The following ADGRD1 variants were observed in gnomAD, a reference collection of about 807,000 sequenced individuals.
ADGRD1 encodes adhesion G protein-coupled receptor D1, also known as G-protein coupled receptor 133.
In ADGRD1, 77 loss-of-function variants were observed where a neutral mutation model predicts 113.4. The observed-to-expected ratio is 0.68, with a 90% confidence interval of 0.57 to 0.82. The LOEUF (loss-of-function observed/expected upper bound fraction) is 0.82, where lower values mean the gene tolerates loss of function less well. ADGRD1 is among the 40% of genes least tolerant of loss of function. ADGRD1 has a pLI of 0.00. For synonymous variants in ADGRD1, 474 were observed against 475.0 expected (o/e 1.00, Z 0.03); for missense variants, 1,036 against 1,139.1 (o/e 0.91, Z 1.30).
Position 131,120,944 on chromosome 12 carries a change from G to T in ADGRD1, c.2175+31G>T, listed in dbSNP as rs1160490886. On this transcript the variant is annotated intron_variant, in intron 20 of 24. Transcript: ENST00000261654. The stretch of plus-strand genomic sequence containing the variant: ...TTTCCTACCCTTGTGGGCGCAGAGC[G>T]GGGCTGGGGAGGGGCAGGAGGAGAG... 4.4e-6 allele frequency: 7 copies of T among 1,601,664 alleles called. No homozygotes were observed. In the African/African-American group the frequency reaches 8.0e-5, roughly 18 times the overall value.
intron 13 of ADGRD1, among the ~76,000 whole-genome samples, chr12:131,017,234 ACACC>A (rs1307287172): frequency 3.9e-5 from 6 of 151,976 alleles, no homozygotes; most frequent in Admixed American, 6.6e-5. Flanking sequence ...CAGTCCACAC[ACACC>A]CAGTCCACAT....
chr12:131,064,032 A>G (rs778229982), intron 13 of ADGRD1, among the ~76,000 whole-genome samples: 1 of 152,220 alleles, frequency 6.6e-6, no homozygotes, highest in Non-Finnish European at 1.5e-5. Context: ...CTAAATGTAC[A>G]TTTTTTGAGT....
rs946639243 is a variant in ADGRD1, at chr12:131,075,279, C to G, written c.1474-1522C>G. 8.5e-5 allele frequency among the ~76,000 whole-genome samples: 13 copies of G among 152,070 alleles called. No homozygotes were observed. Among genetic ancestry groups the G allele is most frequent in the Admixed American group, 8.5e-4 (13 of 15,272 alleles). Reference sequence around the variant, plus strand: ...AAGCCTCATTACACCCCTCCGAGAACCAGGCTGTGGCCACCAGGTTTTTGT... The same window carrying G: ...AAGCCTCATTACACCCCTCCGAGAAGCAGGCTGTGGCCACCAGGTTTTTGT... On this transcript the variant is annotated intron_variant, in intron 13 of 24. Coordinates refer to ENST00000261654, the MANE Select transcript of ADGRD1 (RefSeq NM_198827.5). The surrounding 1 kb of genome is among the most constrained non-coding windows in gnomAD (Gnocchi z 5.3).
intron 13 of ADGRD1, among the ~76,000 whole-genome samples, chr12:131,073,813 A>G (rs1161996177): frequency 6.6e-6 from 1 of 152,188 alleles, no homozygotes; most frequent in Non-Finnish European, 1.5e-5. Context: ...TGCTTTTTGT[A>G]TCAACCTAAT....
chr12:131,045,081 C>T (rs1458062111), intron 13 of ADGRD1, among the ~76,000 whole-genome samples: 1 of 152,244 alleles, frequency 6.6e-6, no homozygotes, highest in Non-Finnish European at 1.5e-5. Flanking sequence ...AGGAGCGGAT[C>T]CGAATGCGAA....
Position 130,971,434 on chromosome 12 carries a change from G to T in ADGRD1, c.188-24G>T. 6.2e-7 allele frequency: 1 copy of T among 1,608,666 alleles called. No homozygotes were observed. The highest frequency in any genetic ancestry group is 8.5e-7 in the Non-Finnish European group (1 of 1,176,180). On this transcript the variant is annotated intron_variant, in intron 3 of 24. Transcript: ENST00000261654. This position sits in a 1 kb window ranked among gnomAD's most constrained non-coding sequence, Gnocchi z 4.2. ...TAATCTCGGAAGGTTATTAACATAT[G>T]ATGTTGTCATTTTTCTTCCTTAGAT...
Position 130,991,048 on chromosome 12 carries a change from C to G in ADGRD1, c.780C>G (p.Ser260Arg), listed in dbSNP as rs772217545. Residue 260 changes from serine (S) to arginine (R), a missense_variant, in exon 7 of 25, where the codon AGC becomes AGG. By Grantham distance (110) the Ser-to-Arg change is moderately radical. Transcript: ENST00000261654. The part of the protein sequence containing the change: ...KHALLSSTLP[S>R]LFMTSTASPV... ...CTTTATTGTCTTCAACGCTGCCAAGCCTCTTCATGACATCCACAGCAAGCC... is the reference window on the plus strand; with the variant it reads ...CTTTATTGTCTTCAACGCTGCCAAGGCTCTTCATGACATCCACAGCAAGCC... 3.1e-6 allele frequency: 5 copies of G among 1,614,090 alleles called. No individual in the cohort carries two copies. The South Asian group carries it at 4.4e-5, about 14-fold the overall frequency.
intron 21 of ADGRD1, among the ~76,000 whole-genome samples, chr12:131,135,632 C>T (rs1395298037): frequency 6.6e-6 from 1 of 152,226 alleles, no homozygotes; most frequent in Non-Finnish European, 1.5e-5. Flanking sequence ...TTCCAAGCGT[C>T]TCACAGGAGG....
intron 14 of ADGRD1, among the ~76,000 whole-genome samples, chr12:131,082,201 G>GT (rs1177839369): frequency 1.3e-5 from 2 of 152,096 alleles, no homozygotes; most frequent in African/African-American, 4.8e-5. Context: ...GGACACACAT[G>GT]TTTTTTACCG....
rs184766910 is a variant in ADGRD1 at position 131,022,591 on chromosome 12, C to T, written c.1473+8251C>T. Among the ~76,000 whole-genome samples the T allele has an allele frequency of 1.8e-4, 28 of 152,294 alleles. No individual in the cohort carries two copies. The highest frequency in any genetic ancestry group is 1.2e-3 in the East Asian group (6 of 5,182). On this transcript the variant is annotated intron_variant, in intron 13 of 24. Coordinates refer to ENST00000261654, the MANE Select transcript of ADGRD1 (RefSeq NM_198827.5). This position sits in a 1 kb window ranked among gnomAD's most constrained non-coding sequence, Gnocchi z 4.6. Reference sequence around the variant, plus strand: ...CTATCATTACGGATTCTGTTGCTCCCGTTGTCGCGGCCGTGACCGTCGGGA... The same window carrying T: ...CTATCATTACGGATTCTGTTGCTCCTGTTGTCGCGGCCGTGACCGTCGGGA...
chr12:130,999,054 C>T (rs982811534), intron 8 of ADGRD1, among the ~76,000 whole-genome samples: 1 of 152,192 alleles, frequency 6.6e-6, no homozygotes, highest in Admixed American at 6.5e-5. Flanking sequence ...ATTAGTTTCA[C>T]CTTTTTTATT....
intron 20 of ADGRD1, among the ~76,000 whole-genome samples, chr12:131,130,526 G>A (rs745750175): frequency 8.5e-5 from 13 of 152,234 alleles, no homozygotes; most frequent in Non-Finnish European, 1.8e-4. Context: ...TGGGCGGAGG[G>A]CTCCTGCTGA....
rs1256399781 is a variant in ADGRD1, at chr12:131,060,623, A to T, written c.1474-16178A>T. ...AGCAGCCGTACCACTAAACCAGAGG[A>T]GTTGGATTCTGATTCTTACTCTTTG... is the stretch of plus-strand genomic sequence containing the variant. On this transcript the variant is annotated intron_variant, in intron 13 of 24. Coordinates refer to ENST00000261654, the MANE Select transcript of ADGRD1 (RefSeq NM_198827.5). The surrounding 1 kb of genome is among the most constrained non-coding windows in gnomAD (Gnocchi z 4.4). Among the ~76,000 whole-genome samples the T allele has an allele frequency of 6.6e-6, 1 of 152,138 alleles. No homozygotes were observed. Among genetic ancestry groups the T allele is most frequent in the African/African-American group, 2.4e-5 (1 of 41,430 alleles).
Position 131,136,135 on chromosome 12 carries a change from A to G in ADGRD1, c.2366A>G (p.Tyr789Cys). The G allele has an allele frequency of 6.2e-7, 1 of 1,614,140 alleles. No homozygotes were observed. Among genetic ancestry groups the G allele is most frequent in the Non-Finnish European group, 8.5e-7 (1 of 1,180,018 alleles). ...AACGGTTGTGCTGTGGTTTTCCAGT[A>G]CATGTTTGCCACGCTCAACTCCCTG... is the stretch of plus-strand genomic sequence containing the variant. ...AVNGCAVVFQ[Y>C]MFATLNSLQG... is the part of the protein sequence containing the mutation. The change falls in exon 22 of 25, where the codon TAC (tyrosine) becomes TGC (cysteine). Residue 789 changes from tyrosine to cysteine, a missense_variant. Physicochemically the swap from Tyr to Cys is radical, Grantham distance 194. Transcript: ENST00000261654.
intron 13 of ADGRD1, among the ~76,000 whole-genome samples, chr12:131,071,601 T>A (rs1451819533): frequency 6.6e-6 from 1 of 152,190 alleles, no homozygotes; most frequent in African/African-American, 2.4e-5. Context: ...TCTCCACACA[T>A]ACCATGGCCA....
intron 13 of ADGRD1, among the ~76,000 whole-genome samples, chr12:131,044,007 G>A (rs559347997): frequency 7.2e-5 from 11 of 152,320 alleles, no homozygotes; most frequent in East Asian, 5.8e-4. Flanking sequence ...TCTACCAGGC[G>A]TCAAGACAGC....
At chr12:131,063,759 T>C (rs1296372414) in intron 13 of ADGRD1, among the ~76,000 whole-genome samples, 4 of 152,268 alleles carry the variant, frequency 2.6e-5, no homozygotes, top group Admixed American at 2.6e-4. Context: ...GAAATTGTTT[T>C]AGCTTTTCTA....
chr12:131,043,982 T>C (rs1182581899), intron 13 of ADGRD1, among the ~76,000 whole-genome samples: 1 of 152,130 alleles, frequency 6.6e-6, no homozygotes, highest in East Asian at 1.9e-4. Context: ...GCCGGGCCAC[T>C]AGAGGTTCCC....
At position 131,050,550 on chromosome 12, in the gene ADGRD1, A is replaced by G. The variant is rs188887977; in HGVS notation, c.1474-26251A>G. 5.3e-5 allele frequency among the ~76,000 whole-genome samples: 8 copies of G among 152,228 alleles called. No homozygotes were observed. The East Asian group carries it at 1.6e-3, about 30-fold the overall frequency. ...GGGAAGGCCTCCGGGAGCTACAGTCATGGCAGAAGGTGGAGGGAACCAGGC... is the reference window on the plus strand; with the variant it reads ...GGGAAGGCCTCCGGGAGCTACAGTCGTGGCAGAAGGTGGAGGGAACCAGGC... On this transcript the variant is annotated intron_variant, in intron 13 of 24. Transcript: ENST00000261654. This position sits in a 1 kb window ranked among gnomAD's most constrained non-coding sequence, Gnocchi z 4.8.
Sources: gnomAD v4.1 joint callset for allele counts (sites outside exome capture counted in the v4.1 genomes callset) on GRCh38, gnomAD v4.1.1 for gene constraint, Gnocchi (gnomAD v3.1) non-coding constraint, MANE v1.5 for transcripts, NCBI Gene and HGNC (gene_info 2026-07-23, HGNC 2026-07-21) for gene names.